RIMS2: variants seen among roughly 807,000 people sequenced by gnomAD.
The protein encoded by RIMS2 is regulating synaptic membrane exocytosis 2.
Under a neutral mutation model 174.4 loss-of-function variants are expected in RIMS2, and 59 were observed. The observed-to-expected ratio is 0.34, with a 90% CI of 0.27 to 0.42. RIMS2 has a LOEUF of 0.42. Among genes scored for constraint, RIMS2 ranks in the 10% least tolerant of loss-of-function variants. The pLI, the probability that RIMS2 is intolerant of heterozygous loss-of-function variation, is 1.00. For missense variants in RIMS2, 1,620 were observed against 1,666.3 expected (o/e 0.97, Z 0.48); for synonymous variants, 606 against 572.5 (o/e 1.06, Z -0.84).
intron 3 of RIMS2, among the ~76,000 whole-genome samples, chr8:103,805,329 C>T (rs533660379): frequency 6.6e-6 from 1 of 152,194 alleles, no homozygotes; most frequent in East Asian, 1.9e-4. Flanking sequence ...GTGTTATTAA[C>T]ATTAATATGT....
intron 19 of RIMS2, among the ~76,000 whole-genome samples, chr8:104,176,774 C>T (rs2098900765): frequency 6.6e-6 from 1 of 151,312 alleles, no homozygotes; most frequent in African/African-American, 2.4e-5. Context: ...GAATGACAGC[C>T]ATATTTTTTC....
chr8:103,643,039 A>G (rs112451058), intron 1 of RIMS2, among the ~76,000 whole-genome samples: 136 of 152,012 alleles, frequency 8.9e-4, no homozygotes, highest in African/African-American at 3.2e-3. Flanking sequence ...CCCATTACAC[A>G]TACTTTATAG....
intron 1 of RIMS2, among the ~76,000 whole-genome samples, chr8:103,632,730 G>GTTTT (rs2095963446): frequency 4.7e-5 from 4 of 84,734 alleles, no homozygotes; most frequent in African/African-American, 1.1e-4. Context: ...CATATTTATT[G>GTTTT]ATTTTTTTTT....
chr8:104,027,664 A>G (rs1301302958), intron 19 of RIMS2, among the ~76,000 whole-genome samples: 2 of 152,200 alleles, frequency 1.3e-5, no homozygotes, highest in East Asian at 3.9e-4. Flanking sequence ...CCTTGCCCCA[A>G]GTTAGTTCAT....
At chr8:103,624,513 A>G (rs1015572876) in intron 1 of RIMS2, among the ~76,000 whole-genome samples, 8 of 152,154 alleles carry the variant, frequency 5.3e-5, no homozygotes, top group African/African-American at 1.9e-4. Flanking sequence ...TCCTCCTAAT[A>G]ACTCTCCCTT....
At chr8:103,583,124 G>C (rs1206360745) in intron 1 of RIMS2, among the ~76,000 whole-genome samples, 2 of 152,092 alleles carry the variant, frequency 1.3e-5, no homozygotes, top group African/African-American at 4.8e-5. Context: ...AGAAAGACAA[G>C]AGAACAGAGT....
At chr8:103,941,328 A>T (rs917103197) in intron 13 of RIMS2, among the ~76,000 whole-genome samples, 7 of 151,984 alleles carry the variant, frequency 4.6e-5, no homozygotes, top group South Asian at 2.1e-4. Flanking sequence ...AAAAATAAAT[A>T]AAAAAAGAAA....
chr8:103,503,216 T>C (rs956293000), intron 1 of RIMS2, among the ~76,000 whole-genome samples: 3 of 152,006 alleles, frequency 2.0e-5, no homozygotes, highest in African/African-American at 7.2e-5. Flanking sequence ...TTTCACATTC[T>C]TGTTATATTT....
chr8:104,200,133 C>T (rs938730408), intron 19 of RIMS2, among the ~76,000 whole-genome samples: 2 of 152,032 alleles, frequency 1.3e-5, no homozygotes, highest in African/African-American at 2.4e-5. Flanking sequence ...CAGGAAGATG[C>T]ATTCTACACC....
chr8:103,962,688 A>G (rs1011630521), intron 15 of RIMS2, among the ~76,000 whole-genome samples: 1 of 152,080 alleles, frequency 6.6e-6, no homozygotes, highest in African/African-American at 2.4e-5. Context: ...CAGTAGTGCA[A>G]TCACAGCTCA....
chr8:103,625,745 T>C (rs1392504384), intron 1 of RIMS2, among the ~76,000 whole-genome samples: 1 of 152,134 alleles, frequency 6.6e-6, no homozygotes, highest in East Asian at 1.9e-4. Flanking sequence ...TGCAGGCAGG[T>C]CTGACATACT....
chr8:104,064,586 C>A (rs942605769), intron 19 of RIMS2, among the ~76,000 whole-genome samples: 16 of 151,936 alleles, frequency 1.1e-4, no homozygotes, highest in Non-Finnish European at 2.2e-4. Context: ...TATCAAAAAA[C>A]AGAGGGCCAT....
At chr8:103,785,400 G>A (rs1023198808) in intron 3 of RIMS2, among the ~76,000 whole-genome samples, 4 of 151,260 alleles carry the variant, frequency 2.6e-5, no homozygotes, top group Non-Finnish European at 5.9e-5. Context: ...GATATTGGCT[G>A]TGGGTTTGTC....
At chr8:103,587,958 G>A (rs4734077) in intron 1 of RIMS2, among the ~76,000 whole-genome samples, 9,926 of 151,980 alleles carry the variant, frequency 0.065, 399 homozygotes, top group South Asian at 0.087. Context: ...GAAAGCAGAT[G>A]TCAAATTATC....
intron 19 of RIMS2, among the ~76,000 whole-genome samples, chr8:104,129,831 A>G (rs1214187333): frequency 6.6e-6 from 1 of 152,198 alleles, no homozygotes; most frequent in Non-Finnish European, 1.5e-5. Context: ...TTTCTTTTTA[A>G]TTAGCATAGC....
chr8:104,235,552 G>T (rs2099253665), intron 19 of RIMS2, among the ~76,000 whole-genome samples: 1 of 151,902 alleles, frequency 6.6e-6, no homozygotes, highest in Admixed American at 6.6e-5. Context: ...CTTTTATTTT[G>T]AAATATTTTA....
At chr8:103,631,347 A>C (rs993333315) in intron 1 of RIMS2, among the ~76,000 whole-genome samples, 1 of 152,220 alleles carries the variant, frequency 6.6e-6, no homozygotes, top group African/African-American at 2.4e-5. Flanking sequence ...TCTTCTGCTT[A>C]TGGCTAGCCA....
At chr8:104,021,331 A>C (rs955102429) in intron 19 of RIMS2, among the ~76,000 whole-genome samples, 1 of 152,204 alleles carries the variant, frequency 6.6e-6, no homozygotes, top group Non-Finnish European at 1.5e-5. Context: ...AATAGTATTC[A>C]TAAGACAATA....
intron 15 of RIMS2, among the ~76,000 whole-genome samples, chr8:103,962,470 T>C (rs181820510): frequency 6.6e-6 from 1 of 152,312 alleles, no homozygotes; most frequent in East Asian, 1.9e-4. Context: ...GTTCTTATTA[T>C]TTTGCCAGTC....
Sources: gnomAD v4.1 joint callset for allele counts (sites outside exome capture counted in the v4.1 genomes callset) on GRCh38, gnomAD v4.1.1 for gene constraint, MANE v1.5 for transcripts, NCBI Gene and HGNC (gene_info 2026-07-23, HGNC 2026-07-21) for gene names.